WRN: variants seen among roughly 807,000 people sequenced by gnomAD.
The protein encoded by WRN is bifunctional 3'-5' exonuclease/ATP-dependent helicase WRN.
Under a neutral mutation model 180.7 loss-of-function variants are expected in WRN, and 149 were observed. That is an observed-to-expected ratio of 0.82 (90% CI 0.72 to 0.94). WRN has a LOEUF of 0.94. WRN is among the 40% of genes least tolerant of loss of function. The probability of loss-of-function intolerance (pLI) is 0.00; values close to 1 mark genes in which losing one functional copy is unlikely to be tolerated. For missense variants in WRN, 1,661 were observed against 1,700.1 expected (o/e 0.98, Z 0.40); for synonymous variants, 548 against 568.9 (o/e 0.96, Z 0.52).
intron 34 of WRN, chr8:31,171,574 C>T (rs1226516246): frequency 6.6e-6 from 1 of 152,186 alleles, no homozygotes; most frequent in African/African-American, 2.4e-5. Context: ...TCCCTGCTTG[C>T]AATTGGGTAC....
Position 31,167,193 on chromosome 8 carries a change from C to A in WRN, c.4154C>A (p.Ser1385Tyr), listed in dbSNP as rs993954914. Residue 1385 changes from serine to tyrosine, a missense_variant, in exon 34 of 35, where the codon TCT becomes TAT. By Grantham distance (144) the Ser-to-Tyr change is moderately radical. Transcript: ENST00000298139. ...GGTTCTGAAGAGATCTGTTCAAGTT[C>A]TAAGAGAAGCAAGGAAGAAGTAGGC... ...FPGSEEICSSSKRSKEEVGIN... is the reference protein window; with the variant it reads ...FPGSEEICSSYKRSKEEVGIN... The A allele has an allele frequency of 1.9e-6, 3 of 1,612,920 alleles. No individual in the cohort carries two copies. Among genetic ancestry groups the A allele is most frequent in the Non-Finnish European group, 2.5e-6 (3 of 1,179,398 alleles).
chr8:31,132,101 G>A (rs961790924), intron 23 of WRN, among the ~76,000 whole-genome samples: 1 of 151,818 alleles, frequency 6.6e-6, no homozygotes, highest in African/African-American at 2.4e-5. Flanking sequence ...CCTTTCTGTG[G>A]TCTGAGGTGC....
intron 24 of WRN, among the ~76,000 whole-genome samples, chr8:31,134,640 A>G (rs1802329306): frequency 6.6e-6 from 1 of 152,388 alleles, no homozygotes. Flanking sequence ...ATTAATTTAC[A>G]TAACTGACAG....
intron 23 of WRN, 35 bp from the exon 24 acceptor site, chr8:31,132,330 C>T: frequency 6.2e-7 from 1 of 1,606,078 alleles, no homozygotes; most frequent in South Asian, 1.1e-5. Context: ...CATGCCTTTG[C>T]TAAGCTTTCT....
chr8:31,144,959 C>G (rs1389530342), intron 28 of WRN, among the ~76,000 whole-genome samples: 1 of 152,218 alleles, frequency 6.6e-6, no homozygotes, highest in Non-Finnish European at 1.5e-5. Context: ...AGCCCTAACT[C>G]TCTTCAATTC....
chr8:31,171,808 A>G (rs1430158156), intron 34 of WRN, among the ~76,000 whole-genome samples: 2 of 152,206 alleles, frequency 1.3e-5, no homozygotes, highest in African/African-American at 4.8e-5. Flanking sequence ...AATCAAACAT[A>G]GCAAGCAGCT....
At chr8:31,142,567 T>C (rs1324183849) in intron 26 of WRN, 59 bp from the exon 27 acceptor site, 9 of 1,291,606 alleles carry the variant, frequency 7.0e-6, no homozygotes, top group Non-Finnish European at 9.8e-6. Flanking sequence ...GTATCATGAT[T>C]CATGAATTAG....
intron 17 of WRN, among the ~76,000 whole-genome samples, chr8:31,098,509 A>G (rs780138763): frequency 5.3e-5 from 8 of 152,212 alleles, no homozygotes; most frequent in Non-Finnish European, 1.0e-4. Flanking sequence ...TGATGGATGA[A>G]AATGTTCTCT....
At position 31,090,541 on chromosome 8, in the gene WRN, T is replaced by G. The variant is rs1370323593; in HGVS notation, c.1720+9T>G. 1 of 1,610,658 alleles carries G rather than the reference T, an allele frequency of 6.2e-7. No individual in the cohort carries two copies. The highest frequency in any genetic ancestry group is 8.5e-7 in the Non-Finnish European group (1 of 1,177,458). On this transcript the variant is annotated intron_variant, in intron 14 of 34. Transcript: ENST00000298139. ...TGCTGTCATGGCAACTGGTAAGTTG[T>G]ACTTAAGCAAAACCTAATCCTTTAA... is the stretch of plus-strand genomic sequence containing the variant.
At chr8:31,165,827 A>T (rs564007227) in intron 33 of WRN, among the ~76,000 whole-genome samples, 2 of 152,294 alleles carry the variant, frequency 1.3e-5, no homozygotes, top group Non-Finnish European at 1.5e-5. Flanking sequence ...AAATGATGAA[A>T]TAGTAAAATT....
intron 24 of WRN, among the ~76,000 whole-genome samples, chr8:31,137,967 G>A (rs936349522): frequency 6.6e-6 from 1 of 152,090 alleles, no homozygotes; most frequent in Non-Finnish European, 1.5e-5. Flanking sequence ...AGCGGGCATG[G>A]TGGAATACAC....
intron 11 of WRN, among the ~76,000 whole-genome samples, chr8:31,086,265 G>A (rs1300920688): frequency 1.3e-5 from 2 of 151,978 alleles, no homozygotes; most frequent in Non-Finnish European, 2.9e-5. Context: ...CAAGTAATGA[G>A]TAGTGAGTAA....
chr8:31,053,435 C>T (rs1360426530), intron 1 of WRN, among the ~76,000 whole-genome samples: 1 of 152,180 alleles, frequency 6.6e-6, no homozygotes, highest in Non-Finnish European at 1.5e-5. Context: ...TAACTAAATC[C>T]AAGCTCCTAC....
intron 17 of WRN, among the ~76,000 whole-genome samples, chr8:31,099,060 T>C (rs1585452583): frequency 6.8e-6 from 1 of 147,158 alleles, no homozygotes; most frequent in Non-Finnish European, 1.5e-5. Context: ...ACAGTGCTAG[T>C]TATGAAAGAA....
chr8:31,073,912 C>T (rs575741340), intron 7 of WRN, among the ~76,000 whole-genome samples: 2 of 151,686 alleles, frequency 1.3e-5, no homozygotes, highest in East Asian at 1.9e-4. Flanking sequence ...CCATCAGTAA[C>T]CTTTTCTTTC....
At chr8:31,092,464 T>G (rs1011881905) in intron 16 of WRN, among the ~76,000 whole-genome samples, 3 of 151,476 alleles carry the variant, frequency 2.0e-5, no homozygotes, top group African/African-American at 7.3e-5. Context: ...TGTGTGTATA[T>G]GTACACACAC....
intron 21 of WRN, among the ~76,000 whole-genome samples, chr8:31,120,793 A>G (rs1801696118): frequency 6.6e-6 from 1 of 152,002 alleles, no homozygotes; most frequent in Non-Finnish European, 1.5e-5. Context: ...GTCTTCAGCC[A>G]TAGTTACTTC....
chr8:31,120,457 ATTTC>A (rs985804989), intron 21 of WRN, 33 bp downstream of exon 21: 3 of 1,586,826 alleles, frequency 1.9e-6, no homozygotes, highest in Non-Finnish European at 2.6e-6. Context: ...ACTCTTGCAG[ATTTC>A]TTTCTTTCTT....
At chr8:31,099,928 T>G (rs1205911109) in intron 17 of WRN, among the ~76,000 whole-genome samples, 3 of 152,180 alleles carry the variant, frequency 2.0e-5, no homozygotes, top group Non-Finnish European at 4.4e-5. Context: ...AGTAACTTGC[T>G]TAAGGTAATA....
Sources: gnomAD v4.1 joint callset for allele counts (sites outside exome capture counted in the v4.1 genomes callset) on GRCh38, gnomAD v4.1.1 for gene constraint, MANE v1.5 for transcripts, NCBI Gene and HGNC (gene_info 2026-07-23, HGNC 2026-07-21) for gene names.